The following KIRREL3 variants were observed in gnomAD, a reference collection of about 807,000 sequenced individuals.
KIRREL3 encodes kin of IRRE-like protein 3.
In KIRREL3, 36 loss-of-function variants were observed where a neutral mutation model predicts 89.7. That is an observed-to-expected ratio of 0.40 (90% confidence interval 0.31 to 0.53). The LOEUF (loss-of-function observed/expected upper bound fraction) is 0.53. Ranked by LOEUF, KIRREL3 falls within the 20% of genes least tolerant of loss-of-function variation. KIRREL3 has a pLI of 0.49. For missense variants in KIRREL3, 864 were observed against 1,056.6 expected, an observed-to-expected ratio of 0.82 and a Z score of 2.53; for synonymous variants, 445 against 441.4, an observed-to-expected ratio of 1.01 and a Z score of -0.10.
At chr11:126,887,030 G>C (rs1945721797) in intron 1 of KIRREL3, among the ~76,000 whole-genome samples, 1 of 152,142 alleles carries the variant, frequency 6.6e-6, no homozygotes, top group African/African-American at 2.4e-5. Context: ...TTAGTGCTCA[G>C]TCTCCCTATC....
At position 126,553,407 on chromosome 11, in the gene KIRREL3, C is replaced by T. The variant is rs1302035146; in HGVS notation, c.133+9428G>A. Among the ~76,000 whole-genome samples the T allele has an allele frequency of 6.6e-6, 1 of 152,202 alleles. No individual in the cohort carries two copies. Among genetic ancestry groups the T allele is most frequent in the Non-Finnish European group, 1.5e-5 (1 of 68,032 alleles). On this transcript the variant is annotated intron_variant, in intron 2 of 16. Transcript: ENST00000525144. This position sits in a 1 kb window ranked among gnomAD's most constrained non-coding sequence, Gnocchi z 4.7. ...ACTTGCTAGCTGTGTTTAGAGCCTTCCCACTAGGGAATCTTCCACATAGCC... is the reference window on the plus strand; with the variant it reads ...ACTTGCTAGCTGTGTTTAGAGCCTTTCCACTAGGGAATCTTCCACATAGCC...
intron 7 of KIRREL3, among the ~76,000 whole-genome samples, chr11:126,451,522 G>A (rs1308515398): frequency 6.6e-6 from 1 of 150,396 alleles, no homozygotes; most frequent in Non-Finnish European, 1.5e-5. Context: ...CCATTTGTGA[G>A]TGGGTGCATG....
At chr11:126,514,013 G>A (rs905177459) in intron 4 of KIRREL3, among the ~76,000 whole-genome samples, 2 of 152,170 alleles carry the variant, frequency 1.3e-5, no homozygotes, top group African/African-American at 4.8e-5. Flanking sequence ...GGCTAAGGTG[G>A]TGTCAGTGGC....
intron 1 of KIRREL3, among the ~76,000 whole-genome samples, chr11:126,959,605 A>T (rs1949024100): frequency 6.6e-6 from 1 of 151,822 alleles, no homozygotes; most frequent in Non-Finnish European, 1.5e-5. Context: ...CCAAGATACA[A>T]CCTCATATAT....
chr11:126,480,392 G>C (rs895764349), intron 4 of KIRREL3, among the ~76,000 whole-genome samples: 1 of 152,180 alleles, frequency 6.6e-6, no homozygotes. Flanking sequence ...GCTGAGCCAA[G>C]GTCCTCTCAT....
rs748842098 is a variant in KIRREL3, at chr11:126,627,535, T to A, written c.56-64623A>T. ...CATAGCAGCCTCCCTGGCTCCATGG[T>A]GACTGACGCTGCCAGTCCAGCTGCC... On this transcript the variant is annotated intron_variant, in intron 1 of 16. Transcript: ENST00000525144. The surrounding 1 kb of genome is among the most constrained non-coding windows in gnomAD (Gnocchi z 5.0). 1.2e-4 allele frequency among the ~76,000 whole-genome samples: 18 copies of A among 152,198 alleles called. No individual in the cohort carries two copies. Among genetic ancestry groups the A allele is most frequent in the Non-Finnish European group, 2.4e-4 (16 of 68,022 alleles).
intron 1 of KIRREL3, among the ~76,000 whole-genome samples, chr11:126,619,300 A>G (rs946099508): frequency 6.6e-6 from 1 of 152,226 alleles, no homozygotes; most frequent in South Asian, 2.1e-4. Flanking sequence ...AGTAAGCCCA[A>G]TAGCCTGGAG....
At chr11:126,532,656 G>A (rs1224572486) in intron 2 of KIRREL3, among the ~76,000 whole-genome samples, 7 of 144,218 alleles carry the variant, frequency 4.9e-5, no homozygotes, top group East Asian at 2.3e-4. Context: ...GATTATAAGC[G>A]TGAGCCACTA....
In KIRREL3 at chr11:126,656,773, T is replaced by A. The variant is rs1945157109; in HGVS notation, c.56-93861A>T. 6.6e-6 allele frequency among the ~76,000 whole-genome samples: 1 copy of A among 152,228 alleles called. No homozygotes were observed. Among genetic ancestry groups the A allele is most frequent in the Admixed American group, 6.5e-5 (1 of 15,288 alleles). The stretch of plus-strand genomic sequence containing the variant: ...TCTTATGAAAATAAATGAAACTGGC[T>A]AGGCGTGGTGGCTCATGCCTGTGGT... On this transcript the variant is annotated intron_variant, in intron 1 of 16. Coordinates refer to ENST00000525144, the MANE Select transcript of KIRREL3 (RefSeq NM_032531.4). This position sits in a 1 kb window ranked among gnomAD's most constrained non-coding sequence, Gnocchi z 4.0.
intron 7 of KIRREL3, among the ~76,000 whole-genome samples, chr11:126,450,552 C>T (rs1282618609): frequency 8.0e-6 from 1 of 125,222 alleles, no homozygotes; most frequent in Non-Finnish European, 1.7e-5. Context: ...TGTCAATGTG[C>T]ATGTGTGCAT....
chr11:126,565,291 C>T lies in KIRREL3; in HGVS notation c.56-2379G>A, dbSNP rs538501348. 2.7e-4 allele frequency among the ~76,000 whole-genome samples: 41 copies of T among 152,168 alleles called. No homozygotes were observed. The highest frequency in any genetic ancestry group is 4.4e-4 in the Non-Finnish European group (30 of 68,010). On this transcript the variant is annotated intron_variant, in intron 1 of 16. Transcript: ENST00000525144. The surrounding 1 kb of genome is among the most constrained non-coding windows in gnomAD (Gnocchi z 5.4). ...TCTCCTATGCCACATACTAGGACACCCCCCAGGGCAACTGCTTGAGGAGAG... is the reference window on the plus strand; with the variant it reads ...TCTCCTATGCCACATACTAGGACACTCCCCAGGGCAACTGCTTGAGGAGAG...
In KIRREL3 at chr11:126,501,802, C is replaced by T. The variant is rs557685581; in HGVS notation, c.433+19513G>A. Among the ~76,000 whole-genome samples the T allele has an allele frequency of 3.2e-4, 48 of 152,314 alleles. No individual in the cohort carries two copies. The highest frequency in any genetic ancestry group is 1.1e-3 in the African/African-American group (45 of 41,562). The stretch of plus-strand genomic sequence containing the variant: ...CCGCTTCTGTTCCTAGTTCAACCCC[C>T]ACCCACATTGTGAGCTCCCTGAAGG... On this transcript the variant is annotated intron_variant, in intron 4 of 16. Transcript: ENST00000525144. This position sits in a 1 kb window ranked among gnomAD's most constrained non-coding sequence, Gnocchi z 5.8.
At position 126,576,755 on chromosome 11, in the gene KIRREL3, T is replaced by C. The variant is rs1486635711; in HGVS notation, c.56-13843A>G. On this transcript the variant is annotated intron_variant, in intron 1 of 16. Coordinates refer to ENST00000525144, the MANE Select transcript of KIRREL3 (RefSeq NM_032531.4). This position sits in a 1 kb window ranked among gnomAD's most constrained non-coding sequence, Gnocchi z 5.4. Reference sequence around the variant, plus strand: ...TCTTCTCAGGCACTTAGATTTTTGATGCACACTGAGAGGGTCCTTTTTAAT... The same window carrying C: ...TCTTCTCAGGCACTTAGATTTTTGACGCACACTGAGAGGGTCCTTTTTAAT... Among the ~76,000 whole-genome samples the C allele has an allele frequency of 1.3e-5, 2 of 152,200 alleles. No homozygotes were observed. The highest frequency in any genetic ancestry group is 6.5e-5 in the Admixed American group (1 of 15,286).
chr11:126,494,451 G>C (rs775695978), intron 4 of KIRREL3, among the ~76,000 whole-genome samples: 44 of 151,936 alleles, frequency 2.9e-4, no homozygotes, highest in South Asian at 1.9e-3. Flanking sequence ...CTTGCTGCAG[G>C]GTCTATTGTG....
At chr11:126,650,200 G>A (rs997720923) in intron 1 of KIRREL3, among the ~76,000 whole-genome samples, 1 of 152,258 alleles carries the variant, frequency 6.6e-6, no homozygotes, top group African/African-American at 2.4e-5. Flanking sequence ...CTATGGGCCT[G>A]TGATAGGAAG....
intron 1 of KIRREL3, among the ~76,000 whole-genome samples, chr11:126,585,854 A>G (rs1371177390): frequency 6.6e-6 from 1 of 152,238 alleles, no homozygotes; most frequent in Non-Finnish European, 1.5e-5. Flanking sequence ...TGTGTGTCTT[A>G]AAGCTCCCGC....
chr11:126,604,235 G>C (rs557575541), intron 1 of KIRREL3, among the ~76,000 whole-genome samples: 11 of 152,162 alleles, frequency 7.2e-5, no homozygotes, highest in Non-Finnish European at 1.3e-4. Context: ...AACCGAAAAC[G>C]AGGACGCAGA....
In KIRREL3 at chr11:126,441,084, C is replaced by T. The variant is rs992725332; in HGVS notation, c.1253-535G>A. Among the ~76,000 whole-genome samples the T allele has an allele frequency of 1.3e-5, 2 of 152,234 alleles. No individual in the cohort carries two copies. The highest frequency in any genetic ancestry group is 4.8e-5 in the African/African-American group (2 of 41,470). On this transcript the variant is annotated intron_variant, in intron 10 of 16. Coordinates refer to ENST00000525144, the MANE Select transcript of KIRREL3 (RefSeq NM_032531.4). The surrounding 1 kb of genome is among the most constrained non-coding windows in gnomAD (Gnocchi z 5.0). ...ACGGGAAGAAATGGTTGCTGTCCCT[C>T]TCCTTAGGGCGGGAATCACCCCGGA... is the stretch of plus-strand genomic sequence containing the variant.
intron 1 of KIRREL3, among the ~76,000 whole-genome samples, chr11:126,855,101 GGT>G (rs986799842): frequency 6.6e-6 from 1 of 152,136 alleles, no homozygotes; most frequent in African/African-American, 2.4e-5. Flanking sequence ...TCATCATCAC[GGT>G]GTTAGATTGG....
Sources: gnomAD v4.1 joint callset for allele counts (sites outside exome capture counted in the v4.1 genomes callset) on GRCh38, gnomAD v4.1.1 for gene constraint, Gnocchi (gnomAD v3.1) non-coding constraint, MANE v1.5 for transcripts, NCBI Gene and HGNC (gene_info 2026-07-23, HGNC 2026-07-21) for gene names.